Variants in CLASP1 observed in about 807,000 individuals in gnomAD.
The protein encoded by CLASP1 is cytoplasmic linker associated protein 1, also known as CLIP-associating protein 1.
In CLASP1, 38 loss-of-function variants were observed where a neutral mutation model predicts 192.3. The ratio of observed to expected loss-of-function variants is 0.20; its 90% CI spans 0.15 to 0.26. CLASP1 has a LOEUF of 0.26. Ranked by LOEUF, CLASP1 falls within the 10% of genes least tolerant of loss-of-function variation. The pLI is 1.00. For synonymous variants in CLASP1, 691 were observed against 712.8 expected, an observed-to-expected ratio of 0.97 and a Z score of 0.49; for missense variants, 1,433 against 1,932.5, an observed-to-expected ratio of 0.74 and a Z score of 4.85.
intron 37 of CLASP1, among the ~76,000 whole-genome samples, chr2:121,358,092 G>C (rs2065744294): frequency 6.6e-6 from 1 of 152,214 alleles, no homozygotes; most frequent in African/African-American, 2.4e-5. Context: ...ATTGGAGTTT[G>C]TGCTGTTAGT....
chr2:121,338,080 CATT>C (rs1047551494), exon 40 of CLASP1: 2 of 152,322 alleles, frequency 1.3e-5, no homozygotes, highest in African/African-American at 4.8e-5. Flanking sequence ...TATTTCCAAA[CATT>C]ATTGTTAGCA....
In CLASP1 at chr2:121,423,519, G is replaced by C. The variant is rs566776939; in HGVS notation, c.2212+1620C>G. On this transcript the variant is annotated intron_variant, in intron 22 of 39. Transcript: ENST00000263710. ...GGAAAAAAAATCTCAAAACAGAAAA[G>C]AATCTTTAAATGTATAAAACTAACA... Among the ~76,000 whole-genome samples, 339 of 152,158 alleles carry C rather than the reference G, an allele frequency of 2.2e-3. 1 individual carries two copies. The highest frequency in any genetic ancestry group is 6.6e-3 in the African/African-American group (275 of 41,548).
At chr2:121,485,452 C>T (rs2092907008) in intron 8 of CLASP1, among the ~76,000 whole-genome samples, 1 of 152,182 alleles carries the variant, frequency 6.6e-6, no homozygotes, top group Admixed American at 6.5e-5. Context: ...AGCTCAAACA[C>T]CATTTTCATT....
At chr2:121,478,697 A>AC (rs2092022001) in intron 8 of CLASP1, among the ~76,000 whole-genome samples, 1 of 35,224 alleles carries the variant, frequency 2.8e-5, no homozygotes. Flanking sequence ...CCACACACAC[A>AC]ACCACACCCC....
rs182346051 is a variant in CLASP1, at chr2:121,342,698, T to C, written c.4531-1751A>G. Reference sequence around the variant, plus strand: ...GGTCACGCCTATAATCTCAGCAATGTAGGAGGCTGAGGTGGGAGAATCGTT... The same window carrying C: ...GGTCACGCCTATAATCTCAGCAATGCAGGAGGCTGAGGTGGGAGAATCGTT... On this transcript the variant is annotated intron_variant, in intron 39 of 39. Transcript: ENST00000263710. 2.2e-3 allele frequency among the ~76,000 whole-genome samples: 338 copies of C among 152,200 alleles called. 1 individual carries two copies. The highest frequency in any genetic ancestry group is 6.6e-3 in the African/African-American group (272 of 41,518).
At chr2:121,599,566 CGA>C in intron 2 of CLASP1, among the ~76,000 whole-genome samples, 1 of 111,766 alleles carries the variant, frequency 8.9e-6, no homozygotes, top group Non-Finnish European at 1.7e-5. Context: ...CCAGCCTGGG[CGA>C]GAGAGTGAGA....
rs189185473 is a variant in CLASP1, at chr2:121,456,973, C to T, written c.1385+714G>A. ...TACACAAAACTATTCTGTACATTTA[C>T]GACTTGCTGGAAAGAGGGTTCATAG... On this transcript the variant is annotated intron_variant, in intron 14 of 39. Transcript: ENST00000263710. Among the ~76,000 whole-genome samples the T allele has an allele frequency of 2.1e-3, 313 of 152,268 alleles. 1 individual carries two copies. Among genetic ancestry groups the T allele is most frequent in the African/African-American group, 7.1e-3 (294 of 41,556 alleles).
intron 23 of CLASP1, among the ~76,000 whole-genome samples, chr2:121,418,007 C>A (rs2078894288): frequency 6.6e-6 from 1 of 152,100 alleles, no homozygotes; most frequent in South Asian, 2.1e-4. Context: ...TGGCCAGCAG[C>A]CAAAAATAAT....
intron 7 of CLASP1, chr2:121,505,217 A>G (rs2093906434): frequency 6.6e-6 from 1 of 152,160 alleles, no homozygotes; most frequent in Non-Finnish European, 1.5e-5. Flanking sequence ...GAAGGCAAGT[A>G]TTTCTTTCAT....
intron 7 of CLASP1, among the ~76,000 whole-genome samples, chr2:121,507,877 T>C (rs1389689711): frequency 6.6e-6 from 1 of 152,152 alleles, no homozygotes; most frequent in Non-Finnish European, 1.5e-5. Flanking sequence ...GAATAGATAA[T>C]ATATTCAAAG....
intron 18 of CLASP1, 135 bp from the exon 19 acceptor site, chr2:121,447,642 C>G (rs2084612434): frequency 1.3e-6 from 1 of 747,190 alleles, no homozygotes; most frequent in Non-Finnish European, 2.1e-6. Context: ...AAAAAACTGA[C>G]AAACAGTTTC....
chr2:121,433,097 G>A (rs528967957), intron 19 of CLASP1, among the ~76,000 whole-genome samples: 154 of 152,142 alleles, frequency 1.0e-3, no homozygotes, highest in Non-Finnish European at 1.8e-3. Flanking sequence ...CAAGGTGAGC[G>A]GATCACCTGA....
In CLASP1 at chr2:121,513,414, T is replaced by G. The variant is rs13413666; in HGVS notation, c.644+2251A>C. On this transcript the variant is annotated intron_variant, in intron 7 of 39. Transcript: ENST00000263710. ...CTATTCAGAGGTCCAAGTTCTTTTG[T>G]AGCGCCTTTTTTATTTTATTTTTTT... Among the ~76,000 whole-genome samples the G allele has an allele frequency of 6.8e-3, 1,030 of 152,228 alleles. 9 individuals are homozygous for G. Among genetic ancestry groups the G allele is most frequent in the African/African-American group, 0.023 (942 of 41,550 alleles).
chr2:121,581,582 T>C (rs1477815692), intron 2 of CLASP1, among the ~76,000 whole-genome samples: 1 of 152,162 alleles, frequency 6.6e-6, no homozygotes, highest in Non-Finnish European at 1.5e-5. Flanking sequence ...CCCCTTTTGT[T>C]CTTAAGTAAG....
intron 19 of CLASP1, among the ~76,000 whole-genome samples, chr2:121,431,045 T>C (rs1056302356): frequency 6.6e-6 from 1 of 151,256 alleles, no homozygotes; most frequent in African/African-American, 2.4e-5. Flanking sequence ...CGTAACTCAA[T>C]GAGGATAGGA....
chr2:121,362,135 T>C (rs924693143), intron 37 of CLASP1, among the ~76,000 whole-genome samples: 5 of 152,256 alleles, frequency 3.3e-5, no homozygotes, highest in African/African-American at 7.2e-5. Flanking sequence ...CAGTCACACA[T>C]GAGCCAAGAG....
At chr2:121,495,128 C>G (rs2093475086) in intron 8 of CLASP1, among the ~76,000 whole-genome samples, 1 of 151,932 alleles carries the variant, frequency 6.6e-6, no homozygotes, top group Non-Finnish European at 1.5e-5. Context: ...AGAGACCATC[C>G]TGGCTAACAC....
chr2:121,405,503 G>T (rs377138909), intron 25 of CLASP1, among the ~76,000 whole-genome samples: 4 of 152,090 alleles, frequency 2.6e-5, no homozygotes, highest in African/African-American at 9.7e-5. Context: ...TCTGATCCTT[G>T]ACTACTACCA....
intron 8 of CLASP1, among the ~76,000 whole-genome samples, chr2:121,472,339 A>C (rs2090895775): frequency 6.6e-6 from 1 of 152,184 alleles, no homozygotes; most frequent in Non-Finnish European, 1.5e-5. Flanking sequence ...ATAGCTAGAA[A>C]ACCTGACAGT....
Sources: allele counts gnomAD v4.1 joint callset (sites outside exome capture counted in the v4.1 genomes callset), GRCh38; gene constraint gnomAD v4.1.1; transcripts MANE v1.5; gene names NCBI Gene and HGNC (gene_info 2026-07-23, HGNC 2026-07-21).